Variants in LRRC37A2 observed in about 807,000 individuals in gnomAD.
The protein encoded by LRRC37A2 is leucine rich repeat containing 37 member A2.
In LRRC37A2, 9 loss-of-function variants were observed where a neutral mutation model predicts 68.8. The ratio of observed to expected loss-of-function variants is 0.13; its 90% CI spans 0.08 to 0.23. LRRC37A2 has a LOEUF of 0.23. Among genes scored for constraint, LRRC37A2 ranks in the 10% least tolerant of loss-of-function variants. The pLI, the probability that LRRC37A2 is intolerant of heterozygous loss-of-function variation, is 1.00. For missense variants in LRRC37A2, 168 were observed against 950.4 expected, an observed-to-expected ratio of 0.18 and a Z score of 10.82; for synonymous variants, 63 against 367.6, an observed-to-expected ratio of 0.17 and a Z score of 9.48.
chr17:46,989,307 G>C, the LRRC37A2 span, among the ~76,000 whole-genome samples: 1 of 152,184 alleles, frequency 6.6e-6, no homozygotes, highest in Non-Finnish European at 1.5e-5. Context: ...TCCCACGGCG[G>C]GACACAAGCA....
chr17:47,018,222 A>T, the LRRC37A2 span: 9 of 1,611,600 alleles, frequency 5.6e-6, no homozygotes, highest in South Asian at 8.8e-5. Context: ...GGAGGCCCCA[A>T]TTGAGCCTCC....
chr17:46,534,808 G>A (rs1438082320), intron 6 of LRRC37A2, among the ~76,000 whole-genome samples: 23 of 147,888 alleles, frequency 1.6e-4, no homozygotes, highest in East Asian at 5.9e-4. Flanking sequence ...CGGAGGGGGC[G>A]GCTGGCCAGG....
the LRRC37A2 span, chr17:46,978,675 G>C: frequency 6.2e-7 from 1 of 1,609,756 alleles, no homozygotes. Flanking sequence ...CTGCGCCCAC[G>C]TCCTTGGAGG....
At chr17:47,032,421 A>C in the LRRC37A2 span, among the ~76,000 whole-genome samples, 2 of 152,154 alleles carry the variant, frequency 1.3e-5, no homozygotes, top group African/African-American at 4.8e-5. Flanking sequence ...CACACGGCTA[A>C]TAAGTGGCAG....
At chr17:46,490,544 G>A in the LRRC37A2 span, among the ~76,000 whole-genome samples, 3 of 150,674 alleles carry the variant, frequency 2.0e-5, no homozygotes, top group South Asian at 2.1e-4. Context: ...CCAACATGGC[G>A]AAACCTCGTC....
At chr17:46,893,412 C>T in the LRRC37A2 span, among the ~76,000 whole-genome samples, 1 of 151,894 alleles carries the variant, frequency 6.6e-6, no homozygotes, top group Non-Finnish European at 1.5e-5. Flanking sequence ...CTCATTTATC[C>T]TCATGTGGCC....
At chr17:46,771,718 G>A in the LRRC37A2 span, among the ~76,000 whole-genome samples, 1 of 141,432 alleles carries the variant, frequency 7.1e-6, no homozygotes, top group Non-Finnish European at 1.6e-5. Flanking sequence ...CCCGGCCCCG[G>A]CGCCGGGCCG....
At chr17:46,625,923 C>A in the LRRC37A2 span, among the ~76,000 whole-genome samples, 2 of 126,202 alleles carry the variant, frequency 1.6e-5, no homozygotes, top group African/African-American at 3.2e-5. Context: ...TGCTGCATAA[C>A]AGGATTTGAA....
chr17:46,499,181 G>A, the LRRC37A2 span, among the ~76,000 whole-genome samples: 73 of 144,048 alleles, frequency 5.1e-4, no homozygotes, highest in Non-Finnish European at 5.6e-4. Flanking sequence ...CGGGTGTGGT[G>A]GTGGGCTCCT....
At chr17:46,770,913 C>A in the LRRC37A2 span, among the ~76,000 whole-genome samples, 1 of 152,268 alleles carries the variant, frequency 6.6e-6, no homozygotes, top group African/African-American at 2.4e-5. Flanking sequence ...AGACCTGCAG[C>A]CCAACCATCT....
the LRRC37A2 span, among the ~76,000 whole-genome samples, chr17:46,730,980 A>G: frequency 6.7e-6 from 1 of 149,770 alleles, no homozygotes; most frequent in Non-Finnish European, 1.5e-5. Flanking sequence ...GTTCCTCAAG[A>G]GGTTAAGCAT....
chr17:46,789,632 A>T, the LRRC37A2 span, among the ~76,000 whole-genome samples: 1 of 152,192 alleles, frequency 6.6e-6, no homozygotes, highest in Non-Finnish European at 1.5e-5. Context: ...AAACCAAATG[A>T]CACCATGGGG....
chr17:46,941,955 T>G, the LRRC37A2 span: 4 of 985,118 alleles, frequency 4.1e-6, no homozygotes, highest in African/African-American at 7.0e-5. Flanking sequence ...GTCTCAAAGA[T>G]GATCACATTG....
the LRRC37A2 span, among the ~76,000 whole-genome samples, chr17:46,719,923 T>A: frequency 6.6e-6 from 1 of 152,252 alleles, no homozygotes; most frequent in Non-Finnish European, 1.5e-5. This position sits in a 1 kb window ranked among gnomAD's most constrained non-coding sequence, Gnocchi z 4.3. Context: ...TGATATAGTC[T>A]TATTTTCAAA....
chr17:46,951,800 A>G, the LRRC37A2 span, among the ~76,000 whole-genome samples: 9 of 152,146 alleles, frequency 5.9e-5, no homozygotes, highest in African/African-American at 2.2e-4. Context: ...GTGGGAGAAC[A>G]CACAGGGCCC....
the LRRC37A2 span, chr17:46,998,964 C>T: frequency 6.6e-6 from 1 of 152,188 alleles, no homozygotes; most frequent in African/African-American, 2.4e-5. Flanking sequence ...TGTAAATGCT[C>T]CATGTGAAGA....
chr17:46,728,114 G>T, the LRRC37A2 span, among the ~76,000 whole-genome samples: 10 of 152,176 alleles, frequency 6.6e-5, no homozygotes, highest in Non-Finnish European at 1.2e-4. Flanking sequence ...CAGGGCAGAG[G>T]TGCATATGCA....
chr17:46,612,255 GGAAGTA>G, the LRRC37A2 span, among the ~76,000 whole-genome samples: 2 of 88,734 alleles, frequency 2.3e-5, no homozygotes, highest in Admixed American at 2.7e-4. Flanking sequence ...GTTTTGATAA[GGAAGTA>G]GAGAAATTGG....
chr17:46,935,103 G>A, the LRRC37A2 span: 1 of 1,613,512 alleles, frequency 6.2e-7, no homozygotes. Context: ...ACAACGGCAT[G>A]GATGACCTCA....
Sources: gnomAD v4.1 joint callset for allele counts (sites outside exome capture counted in the v4.1 genomes callset) on GRCh38, gnomAD v4.1.1 for gene constraint, Gnocchi (gnomAD v3.1) non-coding constraint, MANE v1.5 for transcripts, NCBI Gene and HGNC (gene_info 2026-07-23, HGNC 2026-07-21) for gene names.